Variants in FXN observed in about 807,000 individuals in gnomAD.
FXN encodes frataxin.
FXN carries 14 observed loss-of-function variants against 22.4 expected under a neutral mutation model. The observed-to-expected ratio is 0.62, with a 90% CI of 0.41 to 0.98. FXN has a LOEUF of 0.98. Ranked by LOEUF, FXN falls within the 50% of genes least tolerant of loss-of-function variation. The probability of loss-of-function intolerance (pLI) is 0.00; values close to 1 mark genes in which losing one functional copy is unlikely to be tolerated. For synonymous variants in FXN, 120 were observed against 114.1 expected (o/e 1.05, Z -0.33); for missense variants, 267 against 268.4 (o/e 0.99, Z 0.04).
intron 3 of FXN, among the ~76,000 whole-genome samples, chr9:69,059,389 A>ATTTTTT (rs1329506700): frequency 1.0e-4 from 5 of 50,000 alleles, no homozygotes; most frequent in Admixed American, 3.0e-4. Context: ...CAGAGGCAGC[A>ATTTTTT]TCTTTTTTTT....
chr9:69,074,444 G>A lies in FXN; in HGVS notation c.*1682G>A. 1.0e-6 allele frequency: 1 copy of A among 979,696 alleles called. No homozygotes were observed. Among genetic ancestry groups the A allele is most frequent in the Non-Finnish European group, 1.2e-6 (1 of 825,038 alleles). The allele number at this position is 979,696 out of a possible 1,614,324, so 60.7% of individuals were successfully genotyped here. On this transcript the variant is annotated 3_prime_UTR_variant, in exon 5 of 5. Coordinates refer to ENST00000484259, the MANE Select transcript of FXN (RefSeq NM_000144.5). The stretch of plus-strand genomic sequence containing the variant: ...AGGTACTCAGGAGGCTGAGACGGGA[G>A]AATTGCTTGACCCCAGGCGGAGGAG...
At chr9:69,057,658 T>G (rs963501323) in intron 3 of FXN, among the ~76,000 whole-genome samples, 2 of 152,160 alleles carry the variant, frequency 1.3e-5, no homozygotes, top group African/African-American at 4.8e-5. Context: ...GTCCTTCAGG[T>G]GCTAACTAAT....
chr9:69,052,013 A>C (rs1831859295), intron 2 of FXN, among the ~76,000 whole-genome samples: 1 of 151,830 alleles, frequency 6.6e-6, no homozygotes, highest in African/African-American at 2.4e-5. Context: ...ATGCCCAGCT[A>C]ATTTTTGTAT....
chr9:69,076,132 A>C lies in FXN; in HGVS notation c.*3370A>C. The C allele has an allele frequency of 5.1e-6, 5 of 985,240 alleles. No individual in the cohort carries two copies. The highest frequency in any genetic ancestry group is 6.0e-6 in the Non-Finnish European group (5 of 829,766). 61.0% of individuals were successfully genotyped at this position (985,240 alleles called of 1,614,324 possible). ...AAAGAAGGAATGAGGTGTGTAAAAG[A>C]GAACCTGGGTTTTTGAATCACAAAT... On this transcript the variant is annotated 3_prime_UTR_variant, in exon 5 of 5. Coordinates refer to ENST00000484259, the MANE Select transcript of FXN (RefSeq NM_000144.5).
intron 1 of FXN, among the ~76,000 whole-genome samples, chr9:69,036,404 G>A (rs1363301881): frequency 6.6e-6 from 1 of 152,208 alleles, no homozygotes; most frequent in Non-Finnish European, 1.5e-5. Flanking sequence ...GTGTTTGCGC[G>A]CACGGGCGCG....
chr9:69,056,084 T>C (rs1190459424), intron 3 of FXN, among the ~76,000 whole-genome samples: 1 of 151,412 alleles, frequency 6.6e-6, no homozygotes, highest in Non-Finnish European at 1.5e-5. Flanking sequence ...TCGCTATGTT[T>C]CCCAGGCTGG....
chr9:69,062,578 T>C (rs1200790131), intron 3 of FXN, among the ~76,000 whole-genome samples: 1 of 152,182 alleles, frequency 6.6e-6, no homozygotes, highest in East Asian at 1.9e-4. Flanking sequence ...GGACAAATAC[T>C]TATGATTCCA....
chr9:69,066,327 TTAA>T (rs1832165223), intron 4 of FXN, among the ~76,000 whole-genome samples: 1 of 152,206 alleles, frequency 6.6e-6, no homozygotes, highest in Non-Finnish European at 1.5e-5. Flanking sequence ...TTTTAGGTAA[TTAA>T]TATTTTCCCA....
chr9:69,074,813 A>C lies in FXN; in HGVS notation c.*2051A>C, dbSNP rs986254080. 1 of 961,578 alleles carries C rather than the reference A, an allele frequency of 1.0e-6. No individual in the cohort carries two copies. Among genetic ancestry groups the C allele is most frequent in the Non-Finnish European group, 1.2e-6 (1 of 808,172 alleles). 59.6% of individuals were successfully genotyped at this position (961,578 alleles called of 1,614,324 possible). A position where few individuals can be genotyped will look rare whatever the true frequency, so the allele number is the denominator to read the frequency against. On this transcript the variant is annotated 3_prime_UTR_variant, in exon 5 of 5. Transcript: ENST00000484259. Reference sequence around the variant, plus strand: ...ATAGGTAAAATATTTTTTCTGAAATAAAATTATTTTTTGAGTCTGATGGAA... The same window carrying C: ...ATAGGTAAAATATTTTTTCTGAAATCAAATTATTTTTTGAGTCTGATGGAA...
At chr9:69,071,530 A>G (rs907301195) in intron 4 of FXN, among the ~76,000 whole-genome samples, 4 of 152,152 alleles carry the variant, frequency 2.6e-5, no homozygotes, top group Non-Finnish European at 4.4e-5. Flanking sequence ...CCATGAGGCC[A>G]TGAGGAAGTG....
intron 3 of FXN, among the ~76,000 whole-genome samples, chr9:69,059,224 T>C (rs74384446): frequency 0.028 from 4,224 of 152,098 alleles, 202 homozygotes; most frequent in African/African-American, 0.096. Flanking sequence ...CAGTTCACTA[T>C]GTACAGAGAA....
At chr9:69,036,587 G>A (rs774334226) in intron 1 of FXN, among the ~76,000 whole-genome samples, 1 of 152,206 alleles carries the variant, frequency 6.6e-6, no homozygotes, top group Non-Finnish European at 1.5e-5. Context: ...GTGACCTTGG[G>A]GGATTCCCCT....
chr9:69,041,822 G>T lies in FXN; in HGVS notation c.166-4563G>T, dbSNP rs138342495. 1.9e-3 allele frequency among the ~76,000 whole-genome samples: 287 copies of T among 152,320 alleles called. 5 individuals carry two copies. The highest frequency in any genetic ancestry group is 0.015 in the Admixed American group (228 of 15,304). On this transcript the variant is annotated intron_variant, in intron 1 of 4. Coordinates refer to ENST00000484259, the MANE Select transcript of FXN (RefSeq NM_000144.5). The stretch of plus-strand genomic sequence containing the variant: ...TTCCTCAAATGCATCCCATGAGCAG[G>T]CACTGTGTGAGTGAGCACACACATC...
At chr9:69,056,053 A>T (rs1324407389) in intron 3 of FXN, among the ~76,000 whole-genome samples, 1 of 151,580 alleles carries the variant, frequency 6.6e-6, no homozygotes, top group Non-Finnish European at 1.5e-5. Flanking sequence ...TCGGCTAATT[A>T]TTTTATTTTA....
chr9:69,061,215 TG>T (rs894979062), intron 3 of FXN, among the ~76,000 whole-genome samples: 4 of 152,354 alleles, frequency 2.6e-5, no homozygotes, highest in East Asian at 3.9e-4. Flanking sequence ...AGTGGTTGCA[TG>T]TGCACCCCCT....
In FXN at chr9:69,072,786, T is replaced by C; in HGVS notation, c.*24T>C. The C allele has an allele frequency of 1.2e-6, 2 of 1,614,048 alleles. No homozygotes were observed. The highest frequency in any genetic ancestry group is 8.5e-7 in the Non-Finnish European group (1 of 1,180,036). ...GATGCCCAGCCCCGTTTTAAGGACATTAAAAGCTATCAGGCCAAGACCCCA... is the reference window on the plus strand; with the variant it reads ...GATGCCCAGCCCCGTTTTAAGGACACTAAAAGCTATCAGGCCAAGACCCCA... On this transcript the variant is annotated 3_prime_UTR_variant, in exon 5 of 5. Coordinates refer to ENST00000484259, the MANE Select transcript of FXN (RefSeq NM_000144.5).
In FXN at chr9:69,041,945, A is replaced by G. The variant is rs75590620; in HGVS notation, c.166-4440A>G. ...AGACATGGCTGCCAGGTGGCTTTAG[A>G]AAGAACACTCATCATGGCCAGGTGC... is the stretch of plus-strand genomic sequence containing the variant. On this transcript the variant is annotated intron_variant, in intron 1 of 4. Coordinates refer to ENST00000484259, the MANE Select transcript of FXN (RefSeq NM_000144.5). Among the ~76,000 whole-genome samples the G allele has an allele frequency of 6.2e-4, 95 of 152,292 alleles. 2 individuals are homozygous for G. In the East Asian group the frequency reaches 0.018, roughly 29 times the overall value.
In FXN at chr9:69,046,462, T is replaced by C. The variant is rs1407528913; in HGVS notation, c.243T>C (p.Ser81=). The C allele has an allele frequency of 8.1e-6, 13 of 1,613,888 alleles. 1 individual carries two copies. The South Asian group carries it at 1.3e-4, about 16-fold the overall frequency. The change falls in exon 2 of 5, where the codon TCT becomes TCC. Residue 81 remains serine (S), a synonymous_variant. Coordinates refer to ENST00000484259, the MANE Select transcript of FXN (RefSeq NM_000144.5). ...TCTATTTGATGAATTTGAGGAAATC[T>C]GGAACTTTGGGCCACCCAGGGTAAG... The part of the protein sequence containing the change: ...QSVYLMNLRK[S]GTLGHPGSLD...
rs1176677830 is a variant in FXN at position 69,074,844 on chromosome 9, T to TA, written c.*2084dup. The TA allele has an allele frequency of 6.9e-5, 68 of 982,818 alleles. No individual in the cohort carries two copies. In the East Asian group the frequency reaches 6.1e-3, roughly 89 times the overall value. The allele number at this position is 982,818 out of a possible 1,614,324, so 60.9% of individuals were successfully genotyped here. A position where few individuals can be genotyped will look rare whatever the true frequency, so the allele number is the denominator to read the frequency against. Reference sequence around the variant, plus strand: ...ATTTTTTGAGTCTGATGGAAATGTTTAAGTGCAGTAGGCCAGTGCCAGTGA... The same window carrying TA: ...ATTTTTTGAGTCTGATGGAAATGTTTAAAGTGCAGTAGGCCAGTGCCAGTGA... On this transcript the variant is annotated 3_prime_UTR_variant, in exon 5 of 5. Transcript: ENST00000484259.
Sources: gnomAD v4.1 joint callset for allele counts (sites outside exome capture counted in the v4.1 genomes callset) on GRCh38, gnomAD v4.1.1 for gene constraint, MANE v1.5 for transcripts, NCBI Gene and HGNC (gene_info 2026-07-23, HGNC 2026-07-21) for gene names.